The following FAM169A variants were observed in gnomAD, a reference collection of about 807,000 sequenced individuals.
FAM169A encodes the protein family with sequence similarity 169 member A, also known as soluble lamin-associated protein of 75 kDa.
A neutral mutation model predicts 75.7 loss-of-function variants in FAM169A; 24 were observed. The observed-to-expected ratio is 0.32, with a 90% confidence interval of 0.23 to 0.45. FAM169A has a LOEUF of 0.45. FAM169A is among the 20% of genes least tolerant of loss of function. The pLI, the probability that FAM169A is intolerant of heterozygous loss-of-function variation, is 1.00. For synonymous variants in FAM169A, 271 were observed against 271.0 expected, an observed-to-expected ratio of 1.00 and a Z score of 0.00; for missense variants, 673 against 784.0, an observed-to-expected ratio of 0.86 and a Z score of 1.69.
intron 5 of FAM169A, among the ~76,000 whole-genome samples, chr5:74,827,224 T>C (rs1047215454): frequency 6.6e-6 from 1 of 152,148 alleles, no homozygotes; most frequent in African/African-American, 2.4e-5. Context: ...ATAAATAACA[T>C]TGACTTAAAG....
intron 6 of FAM169A, among the ~76,000 whole-genome samples, chr5:74,807,981 G>A (rs554411734): frequency 6.6e-6 from 1 of 152,252 alleles, no homozygotes; most frequent in Admixed American, 6.5e-5. Context: ...AGCCGGCCAT[G>A]GTGGCTACTC....
intron 5 of FAM169A, among the ~76,000 whole-genome samples, chr5:74,830,393 A>G (rs1270416591): frequency 6.6e-6 from 1 of 152,176 alleles, no homozygotes; most frequent in Non-Finnish European, 1.5e-5. Flanking sequence ...ATGAAAACCA[A>G]ACTTGATAAG....
chr5:74,834,999 T>TAAAAAAAAAAAAAAAA (rs34697673), intron 4 of FAM169A, among the ~76,000 whole-genome samples: 1 of 131,124 alleles, frequency 7.6e-6, no homozygotes, highest in African/African-American at 2.8e-5. Context: ...TCTCCACATT[T>TAAAAAAAAAAAAAAAA]AAAAAAAAAA....
intron 1 of FAM169A, among the ~76,000 whole-genome samples, chr5:74,853,854 C>A (rs1298360338): frequency 6.6e-6 from 1 of 151,270 alleles, no homozygotes; most frequent in East Asian, 1.9e-4. Context: ...ACTACAGGCA[C>A]CTGCCACCAC....
chr5:74,791,557 T>C (rs1464796390), intron 11 of FAM169A, among the ~76,000 whole-genome samples: 1 of 152,244 alleles, frequency 6.6e-6, no homozygotes, highest in African/African-American at 2.4e-5. Flanking sequence ...GTTACAGTGT[T>C]GGCTGGGGTG....
chr5:74,836,280 T>C (rs1748568900), intron 4 of FAM169A, among the ~76,000 whole-genome samples: 1 of 152,226 alleles, frequency 6.6e-6, no homozygotes, highest in Non-Finnish European at 1.5e-5. Flanking sequence ...CCTATAGGTA[T>C]TACATTTCTC....
intron 11 of FAM169A, among the ~76,000 whole-genome samples, chr5:74,784,175 T>C (rs1455334455): frequency 6.6e-6 from 1 of 151,956 alleles, no homozygotes; most frequent in Non-Finnish European, 1.5e-5. Context: ...TCGGATGTAT[T>C]TTCAAAAAAG....
Position 74,777,592 on chromosome 5 carries a change from T to A in FAM169A, c.*3868A>T, listed in dbSNP as rs1408832468. 9.3e-6 allele frequency: 1 copy of A among 107,422 alleles called. No individual in the cohort carries two copies. 6.7% of individuals were successfully genotyped at this position (107,422 alleles called of 1,614,324 possible). ...CACCACATTGTTTTAAATTGTTTAT[T>A]TTTTTTTTAAAGAAGTCTGTCTTCA... is the stretch of plus-strand genomic sequence containing the variant. On this transcript the variant is annotated 3_prime_UTR_variant, in exon 13 of 13. Transcript: ENST00000687041.
rs554789780 is a variant in FAM169A, at chr5:74,830,920, T to G, written c.490+3506A>C. ...AGCATAATGTCTCAGGGTCATACAC[T>G]GGGGCTTTGATGACAAAACACTACC... On this transcript the variant is annotated intron_variant, in intron 5 of 12. Transcript: ENST00000687041. 2.6e-5 allele frequency among the ~76,000 whole-genome samples: 4 copies of G among 152,310 alleles called. No homozygotes were observed. In the South Asian group the frequency reaches 6.2e-4, roughly 24 times the overall value.
At chr5:74,866,720 C>T (rs1580188005), upstream of FAM169A, 1 of 983,918 alleles carries the variant, frequency 1.0e-6, no homozygotes, top group East Asian at 1.1e-4. Flanking sequence ...GGGGCTGCAA[C>T]GCTGATTTTG....
chr5:74,844,521 T>C (rs1431874222), intron 1 of FAM169A, among the ~76,000 whole-genome samples: 7 of 150,508 alleles, frequency 4.7e-5, no homozygotes, highest in Non-Finnish European at 1.0e-4. Flanking sequence ...AAAAATTAAA[T>C]AAAAAATAAA....
chr5:74,786,210 C>G (rs771090467), intron 11 of FAM169A, among the ~76,000 whole-genome samples: 5 of 152,154 alleles, frequency 3.3e-5, no homozygotes, highest in Non-Finnish European at 7.3e-5. Context: ...TGCAGACAGC[C>G]TATTGTGGGA....
At chr5:74,789,060 G>A (rs1330687051) in intron 11 of FAM169A, among the ~76,000 whole-genome samples, 2 of 152,192 alleles carry the variant, frequency 1.3e-5, no homozygotes, top group African/African-American at 4.8e-5. Flanking sequence ...CGTTCGGCTG[G>A]CAAGGCCAGC....
At chr5:74,786,475 A>T (rs1020135557) in intron 11 of FAM169A, among the ~76,000 whole-genome samples, 9 of 152,200 alleles carry the variant, frequency 5.9e-5, no homozygotes, top group Non-Finnish European at 1.2e-4. Flanking sequence ...CTTTGGCATG[A>T]ACTGTTTAGA....
upstream of FAM169A, chr5:74,866,796 C>G (rs560460641): frequency 5.1e-6 from 5 of 985,562 alleles, no homozygotes; most frequent in Admixed American, 1.2e-4. Context: ...TCTCCAGCCC[C>G]GCGTAGGCCC....
At chr5:74,813,709 A>C (rs1747326123) in intron 6 of FAM169A, 131 bp downstream of exon 6, 1 of 545,600 alleles carries the variant, frequency 1.8e-6, no homozygotes, top group African/African-American at 2.0e-5. Context: ...ACATTTGCCA[A>C]AGTAAGTTCT....
chr5:74,825,714 G>GT (rs1747988071), intron 5 of FAM169A, among the ~76,000 whole-genome samples: 1 of 152,090 alleles, frequency 6.6e-6, no homozygotes, highest in South Asian at 2.1e-4. Flanking sequence ...TTTACCCTTG[G>GT]TATCTTAAAG....
At chr5:74,816,188 T>G (rs113606986) in intron 5 of FAM169A, among the ~76,000 whole-genome samples, 25 of 152,294 alleles carry the variant, frequency 1.6e-4, no homozygotes, top group African/African-American at 6.0e-4. Flanking sequence ...ATCATGAAAT[T>G]AACACACATT....
At position 74,805,169 on chromosome 5, in the gene FAM169A, T is replaced by G. The variant is rs747536286; in HGVS notation, c.786A>C (p.Ala262=). 6.2e-7 allele frequency: 1 copy of G among 1,613,886 alleles called. No individual in the cohort carries two copies. The highest frequency in any genetic ancestry group is 8.5e-7 in the Non-Finnish European group (1 of 1,179,844). The part of the protein sequence containing the change: ...IPVTRALQRE[A]LKILALSQNE... Reference sequence around the variant, plus strand: ...AAACACTCTTACCTAGAATTTTAAGTGCTTCTCTTTGTAATGCTCTGGTGA... The same window carrying G: ...AAACACTCTTACCTAGAATTTTAAGGGCTTCTCTTTGTAATGCTCTGGTGA... Residue 262 remains alanine, a synonymous_variant, in exon 7 of 13, where the codon GCA becomes GCC. Transcript: ENST00000687041.
Sources: gnomAD v4.1 joint callset for allele counts (sites outside exome capture counted in the v4.1 genomes callset) on GRCh38, gnomAD v4.1.1 for gene constraint, MANE v1.5 for transcripts, NCBI Gene and HGNC (gene_info 2026-07-23, HGNC 2026-07-21) for gene names.